Variants in RAB3B observed in about 807,000 individuals in gnomAD.
The protein encoded by RAB3B is RAB3B, member RAS oncogene family.
In RAB3B, 11 loss-of-function variants were observed where a neutral mutation model predicts 20.5. The observed-to-expected ratio is 0.54, with a 90% CI of 0.34 to 0.89. The LOEUF (loss-of-function observed/expected upper bound fraction) is 0.89. Among genes scored for constraint, RAB3B ranks in the 40% least tolerant of loss-of-function variants. RAB3B has a pLI of 0.02. For missense variants in RAB3B, 225 were observed against 280.9 expected (o/e 0.80, Z 1.42); for synonymous variants, 99 against 106.3 (o/e 0.93, Z 0.42).
Position 51,930,885 on chromosome 1 carries a change from TG to T in RAB3B, c.472+2432del, listed in dbSNP as rs568161455. 2.6e-4 allele frequency among the ~76,000 whole-genome samples: 40 copies of T among 151,890 alleles called. 1 individual carries two copies. The South Asian group carries it at 8.1e-3, about 31-fold the overall frequency. ...ACAAAAAATTAGCCAGGCATGGTGG[TG>T]GGTGCCTATAATCCCAGCTACTCAG... On this transcript the variant is annotated intron_variant, in intron 4 of 4. Coordinates refer to ENST00000371655, the MANE Select transcript of RAB3B (RefSeq NM_002867.4).
chr1:51,983,019 T>C (rs989364166), intron 1 of RAB3B, among the ~76,000 whole-genome samples: 1 of 152,260 alleles, frequency 6.6e-6, no homozygotes, highest in Non-Finnish European at 1.5e-5. Context: ...GCTCCATTCA[T>C]GGTTAAGTGT....
chr1:51,981,692 A>T (rs1210777166), intron 1 of RAB3B, among the ~76,000 whole-genome samples: 2 of 152,222 alleles, frequency 1.3e-5, no homozygotes, highest in African/African-American at 4.8e-5. Context: ...CATTTCAGTC[A>T]ATGACAGACC....
At chr1:51,941,523 T>C (rs754696635) in intron 2 of RAB3B, among the ~76,000 whole-genome samples, 11 of 152,136 alleles carry the variant, frequency 7.2e-5, no homozygotes, top group African/African-American at 2.2e-4. Flanking sequence ...AACAGATTCA[T>C]TGAGGTATTT....
chr1:51,910,657 C>T lies in RAB3B; in HGVS notation c.*9270G>A, dbSNP rs930351198. The T allele has an allele frequency of 6.6e-6, 1 of 152,134 alleles. No individual in the cohort carries two copies. The highest frequency in any genetic ancestry group is 1.5e-5 in the Non-Finnish European group (1 of 68,030). The allele number at this position is 152,134 out of a possible 1,614,324, so 9.4% of individuals were successfully genotyped here. ...AAGGATTGCTGCCAAAATCCTGTTTCCCCCTTGCAGATCTTACAGAAAACA... is the reference window on the plus strand; with the variant it reads ...AAGGATTGCTGCCAAAATCCTGTTTTCCCCTTGCAGATCTTACAGAAAACA... On this transcript the variant is annotated 3_prime_UTR_variant, in exon 5 of 5. Coordinates refer to ENST00000371655, the MANE Select transcript of RAB3B (RefSeq NM_002867.4).
At chr1:51,940,201 A>T (rs530002284) in intron 2 of RAB3B, among the ~76,000 whole-genome samples, 1 of 152,358 alleles carries the variant, frequency 6.6e-6, no homozygotes, top group African/African-American at 2.4e-5. Context: ...TGATAATAAC[A>T]TAGAACAACC....
At chr1:51,928,094 C>T (rs1284500469) in intron 4 of RAB3B, among the ~76,000 whole-genome samples, 2 of 152,098 alleles carry the variant, frequency 1.3e-5, no homozygotes, top group African/African-American at 2.4e-5. Context: ...GAAGGCCAAT[C>T]ACAACACACA....
chr1:51,972,621 T>C (rs144400284), intron 2 of RAB3B, among the ~76,000 whole-genome samples: 67 of 151,434 alleles, frequency 4.4e-4, no homozygotes, highest in Non-Finnish European at 9.0e-4. Context: ...ACAGAATTCA[T>C]ATCATTATAA....
intron 4 of RAB3B, among the ~76,000 whole-genome samples, chr1:51,930,238 T>TA (rs1419822666): frequency 6.6e-6 from 1 of 152,226 alleles, no homozygotes; most frequent in Non-Finnish European, 1.5e-5. Flanking sequence ...CACCACTTGC[T>TA]AATGGTATAG....
At chr1:51,968,233 G>C (rs989614002) in intron 2 of RAB3B, among the ~76,000 whole-genome samples, 1 of 152,232 alleles carries the variant, frequency 6.6e-6, no homozygotes, top group African/African-American at 2.4e-5. Flanking sequence ...TTAGACTTCC[G>C]ACCTCCAGAA....
Position 51,911,489 on chromosome 1 carries a change from T to C in RAB3B, c.*8438A>G, listed in dbSNP as rs187467736. Reference sequence around the variant, plus strand: ...GAACAAAAGAAGAGACAATATATTTTTGGTTGCAAGGGATAAGAACCTAAC... The same window carrying C: ...GAACAAAAGAAGAGACAATATATTTCTGGTTGCAAGGGATAAGAACCTAAC... On this transcript the variant is annotated 3_prime_UTR_variant, in exon 5 of 5. Transcript: ENST00000371655. The C allele has an allele frequency of 6.6e-6, 1 of 152,272 alleles. No individual in the cohort carries two copies. The highest frequency in any genetic ancestry group is 1.9e-4 in the East Asian group (1 of 5,184). 9.4% of individuals were successfully genotyped at this position (152,272 alleles called of 1,614,324 possible).
intron 4 of RAB3B, 54 bp downstream of exon 4, chr1:51,933,264 C>G: frequency 6.4e-7 from 1 of 1,562,750 alleles, no homozygotes; most frequent in Non-Finnish European, 8.7e-7. Flanking sequence ...TTACCCCACT[C>G]TCATGAGCAT....
At position 51,967,521 on chromosome 1, in the gene RAB3B, C is replaced by CTTTTTTTTTT. The variant is rs71041868; in HGVS notation, c.228+9359_228+9368dup. Reference sequence around the variant, plus strand: ...TTCCTTTTTCTTTTCTTTTCTTTTTCTTTTTTTTTTTTTTTTTTGAGATAG... The same window carrying CTTTTTTTTTT: ...TTCCTTTTTCTTTTCTTTTCTTTTTCTTTTTTTTTTTTTTTTTTTTTTTTTTTTGAGATAG... On this transcript the variant is annotated intron_variant, in intron 2 of 4. Coordinates refer to ENST00000371655, the MANE Select transcript of RAB3B (RefSeq NM_002867.4). Among the ~76,000 whole-genome samples the CTTTTTTTTTT allele has an allele frequency of 7.9e-4, 29 of 36,506 alleles. 12 individuals carry two copies. The South Asian group carries it at 0.016, about 20-fold the overall frequency. The allele number at this position is 36,506 out of a possible 152,430, so 23.9% of individuals were successfully genotyped here.
chr1:51,944,492 G>C (rs2124267194), intron 2 of RAB3B, among the ~76,000 whole-genome samples: 1 of 152,278 alleles, frequency 6.6e-6, no homozygotes, highest in Non-Finnish European at 1.5e-5. Context: ...TTTCTGGAAG[G>C]AATTCACCAT....
intron 2 of RAB3B, among the ~76,000 whole-genome samples, chr1:51,947,304 G>A (rs1395258972): frequency 6.6e-6 from 1 of 152,084 alleles, no homozygotes; most frequent in African/African-American, 2.4e-5. Flanking sequence ...GCTAATGTGG[G>A]AGGATCACTT....
In RAB3B at chr1:51,933,352, G is replaced by A. The variant is rs149745083; in HGVS notation, c.438C>T (p.Pro146=). Residue 146 remains proline (P), a synonymous_variant, in exon 4 of 5, where the codon CCC becomes CCT. Transcript: ENST00000371655. The part of the protein sequence containing the change: ...KCDMEEERVV[P]TEKGQLLAEQ... Reference sequence around the variant, plus strand: ...CTGCAAGGAGCTGGCCCTTCTCAGTGGGAACAACCCTCTCTTCCTCCATGT... The same window carrying A: ...CTGCAAGGAGCTGGCCCTTCTCAGTAGGAACAACCCTCTCTTCCTCCATGT... The A allele has an allele frequency of 1.2e-6, 2 of 1,613,898 alleles. No individual in the cohort carries two copies. Among genetic ancestry groups the A allele is most frequent in the Admixed American group, 1.7e-5 (1 of 59,986 alleles).
In RAB3B at chr1:51,971,784, G is replaced by A. The variant is rs569358883; in HGVS notation, c.228+5106C>T. 1.2e-4 allele frequency among the ~76,000 whole-genome samples: 18 copies of A among 152,278 alleles called. No homozygotes were observed. The East Asian group carries it at 2.9e-3, about 24-fold the overall frequency. ...ACGATGGCTACTGAGTGGCTAATGG[G>A]CAGATAGCAAATACAGCACGGATAT... On this transcript the variant is annotated intron_variant, in intron 2 of 4. Transcript: ENST00000371655.
intron 2 of RAB3B, among the ~76,000 whole-genome samples, chr1:51,972,310 A>G (rs1291366452): frequency 6.6e-6 from 1 of 152,184 alleles, no homozygotes; most frequent in Non-Finnish European, 1.5e-5. Flanking sequence ...GGGGACAGCA[A>G]TTGATCATCA....
intron 2 of RAB3B, among the ~76,000 whole-genome samples, chr1:51,971,559 A>G (rs1684935606): frequency 6.6e-6 from 1 of 151,250 alleles, no homozygotes; most frequent in Admixed American, 6.6e-5. Context: ...CACCCTCCTG[A>G]GTATCTGGGA....
chr1:51,960,835 C>T (rs1393320943), intron 2 of RAB3B, among the ~76,000 whole-genome samples: 1 of 152,152 alleles, frequency 6.6e-6, no homozygotes, highest in Non-Finnish European at 1.5e-5. Context: ...TAAGATCAGT[C>T]ACAGTAGTAC....
Sources: gnomAD v4.1 joint callset for allele counts (sites outside exome capture counted in the v4.1 genomes callset) on GRCh38, gnomAD v4.1.1 for gene constraint, MANE v1.5 for transcripts, NCBI Gene and HGNC (gene_info 2026-07-23, HGNC 2026-07-21) for gene names.